The following DPYSL4 variants were observed in gnomAD, a reference collection of about 807,000 sequenced individuals.
The protein encoded by DPYSL4 is dihydropyrimidinase-related protein 4.
Under a neutral mutation model 63.4 loss-of-function variants are expected in DPYSL4, and 43 were observed. That is an observed-to-expected ratio of 0.68 (90% confidence interval 0.53 to 0.88). DPYSL4 has a LOEUF of 0.88. Among genes scored for constraint, DPYSL4 ranks in the 40% least tolerant of loss-of-function variants. The pLI is 0.00. For missense variants in DPYSL4, 733 were observed against 819.5 expected (o/e 0.89, Z 1.29); for synonymous variants, 353 against 331.7 (o/e 1.06, Z -0.70).
Position 132,202,096 on chromosome 10 carries a change from TCTGCCAAGACCCAC to T in DPYSL4, c.1262_1275del (p.Ser421Ter). The T allele has an allele frequency of 6.2e-7, 1 of 1,612,896 alleles. No individual in the cohort carries two copies. Among genetic ancestry groups the T allele is most frequent in the Non-Finnish European group, 8.5e-7 (1 of 1,179,812 alleles). On this transcript the variant is annotated frameshift_variant, in exon 11 of 14. Coordinates refer to ENST00000338492, the MANE Select transcript of DPYSL4 (RefSeq NM_006426.3). LOFTEE classifies it high-confidence loss of function. The stretch of plus-strand genomic sequence containing the variant: ...GAACCCCAAGGCCACCAAGATCATC[TCTGCCAAGACCCAC>T]AATCTGGTAAGAGAAGGCGGCTGTA...
chr10:132,195,954 G>A (rs1364956007), intron 4 of DPYSL4, among the ~76,000 whole-genome samples: 1 of 152,230 alleles, frequency 6.6e-6, no homozygotes, highest in African/African-American at 2.4e-5. Context: ...TCAGTCCTGT[G>A]CCCACGGGGT....
chr10:132,200,462 T>G lies in DPYSL4; in HGVS notation c.918T>G (p.Pro306=). 2 of 1,613,006 alleles carry G rather than the reference T, an allele frequency of 1.2e-6. No homozygotes were observed. The highest frequency in any genetic ancestry group is 1.3e-5 in the African/African-American group (1 of 75,008). The change falls in exon 9 of 14, where the codon CCT becomes CCG. Residue 306 remains proline (P), a synonymous_variant. Transcript: ENST00000338492. ...AKAAAFVTSP[P]VNPDPTTADH... The stretch of plus-strand genomic sequence containing the variant: ...CCGCAGCCTTCGTCACATCACCCCC[T>G]GTCAACCCAGACCCCACCACGGCGG...
In DPYSL4 at chr10:132,203,490, T is replaced by C. The variant is rs2062048892; in HGVS notation, c.1462-272T>C. 4 of 501,412 alleles carry C rather than the reference T, an allele frequency of 8.0e-6. No homozygotes were observed. In the South Asian group the frequency reaches 1.3e-4, roughly 17 times the overall value. 31.1% of individuals were successfully genotyped at this position (501,412 alleles called of 1,614,324 possible). A position where few individuals can be genotyped will look rare whatever the true frequency, so the allele number is the denominator to read the frequency against. On this transcript the variant is annotated intron_variant, in intron 12 of 13. Coordinates refer to ENST00000338492, the MANE Select transcript of DPYSL4 (RefSeq NM_006426.3). ...GCATGTGCACCTGTGTTGGTAAGAC[T>C]GAGGGGAGGGACGTTTGCACACACA...
At chr10:132,198,630 C>T (rs927666520) in intron 7 of DPYSL4, 147 bp downstream of exon 7, 4 of 1,058,966 alleles carry the variant, frequency 3.8e-6, no homozygotes, top group Non-Finnish European at 4.0e-6. Context: ...CCTCCCCGTG[C>T]CAGGCACTTG....
intron 12 of DPYSL4, chr10:132,203,558 G>A: frequency 1.7e-6 from 1 of 585,022 alleles, no homozygotes; most frequent in South Asian, 2.1e-5. Flanking sequence ...GTATGGGGAG[G>A]ACTGCAAGGA....
chr10:132,200,250 G>C, intron 8 of DPYSL4, 106 bp from the exon 9 acceptor site: 1 of 1,423,544 alleles, frequency 7.0e-7, no homozygotes, highest in Non-Finnish European at 9.6e-7. Flanking sequence ...AGCTGTCCCA[G>C]GCAAGGAAAG....
At chr10:132,188,893 G>T (rs907349010) in intron 1 of DPYSL4, among the ~76,000 whole-genome samples, 1 of 152,232 alleles carries the variant, frequency 6.6e-6, no homozygotes, top group African/African-American at 2.4e-5. Context: ...GTAGAGGGTT[G>T]GGTCTGGCCT....
At chr10:132,195,963 G>C (rs1053066396) in intron 4 of DPYSL4, among the ~76,000 whole-genome samples, 19 of 152,360 alleles carry the variant, frequency 1.2e-4, no homozygotes, top group African/African-American at 1.7e-4. Context: ...TGCCCACGGG[G>C]TAGTGTTGCA....
At position 132,200,531 on chromosome 10, in the gene DPYSL4, T is replaced by A; in HGVS notation, c.968+19T>A. 1 of 1,611,804 alleles carries A rather than the reference T, an allele frequency of 6.2e-7. No individual in the cohort carries two copies. ...TGTCCAGGTAAGCAGCCTCTCCAGG[T>A]GGCCCCAGGTTGGCCGCCCGCTGCA... On this transcript the variant is annotated intron_variant, in intron 9 of 13. Coordinates refer to ENST00000338492, the MANE Select transcript of DPYSL4 (RefSeq NM_006426.3).
intron 2 of DPYSL4, chr10:132,192,273 T>C (rs2061888467): frequency 2.0e-6 from 2 of 980,034 alleles, no homozygotes; most frequent in South Asian, 9.5e-5. Flanking sequence ...CGTTTCTTTG[T>C]TCATCGCAGC....
intron 13 of DPYSL4, among the ~76,000 whole-genome samples, chr10:132,204,563 C>T (rs2062068484): frequency 6.6e-6 from 1 of 152,176 alleles, no homozygotes; most frequent in African/African-American, 2.4e-5. Context: ...CGAGGCAGGA[C>T]TGGCCCGGGT....
At chr10:132,198,387 G>C (rs770972786) in intron 6 of DPYSL4, 28 bp from the exon 7 acceptor site, 87 of 1,593,512 alleles carry the variant, frequency 5.5e-5, no homozygotes, top group Non-Finnish European at 7.2e-5. Context: ...TCAGGGCTTG[G>C]AGCGAGGCAT....
intron 1 of DPYSL4, among the ~76,000 whole-genome samples, chr10:132,190,459 T>C (rs770128944): frequency 6.6e-6 from 1 of 152,210 alleles, no homozygotes; most frequent in African/African-American, 2.4e-5. Flanking sequence ...TCAGAAGATA[T>C]AAATATGACC....
chr10:132,200,428 G>A lies in DPYSL4; in HGVS notation c.884G>A (p.Trp295Ter). ...TDGSHYWSKN[W>*]AKAAAFVTSP... ...GGTTCACACTACTGGAGCAAGAACTGGGCCAAGGCCGCAGCCTTCGTCACA... is the reference window on the plus strand; with the variant it reads ...GGTTCACACTACTGGAGCAAGAACTAGGCCAAGGCCGCAGCCTTCGTCACA... The change falls in exon 9 of 14, where the codon TGG (tryptophan) becomes TAG (stop). Residue 295 changes from tryptophan to a stop codon, truncating the protein, a stop_gained. Transcript: ENST00000338492. LOFTEE classifies it high-confidence loss of function. The A allele has an allele frequency of 6.2e-7, 1 of 1,613,588 alleles. No individual in the cohort carries two copies. The highest frequency in any genetic ancestry group is 1.3e-5 in the African/African-American group (1 of 75,034).
chr10:132,201,888 G>T, intron 10 of DPYSL4, 58 bp from the exon 11 acceptor site: 1 of 1,554,144 alleles, frequency 6.4e-7, no homozygotes, highest in Non-Finnish European at 8.7e-7. Context: ...GTCTGTCCTC[G>T]CGCAAGCCTC....
At chr10:132,189,196 A>G (rs576645893) in intron 1 of DPYSL4, among the ~76,000 whole-genome samples, 25 of 152,376 alleles carry the variant, frequency 1.6e-4, no homozygotes, top group Admixed American at 1.6e-3. Context: ...TTAAATGCAG[A>G]CGGTCAGTCC....
In DPYSL4 at chr10:132,188,257, TAAG is replaced by T. The variant is rs571113607; in HGVS notation, c.39+1160_39+1162del. ...TTCACCTCCATCCGGATGAGTGCAG[TAAG>T]AAGAGCACAGCCCCACACCCCAGCT... On this transcript the variant is annotated intron_variant, in intron 1 of 13. Transcript: ENST00000338492. Among the ~76,000 whole-genome samples, 341 of 152,192 alleles carry T rather than the reference TAAG, an allele frequency of 2.2e-3. 2 individuals carry two copies. Among genetic ancestry groups the T allele is most frequent in the African/African-American group, 7.8e-3 (324 of 41,532 alleles).
At chr10:132,194,611 T>C (rs201103382) in intron 3 of DPYSL4, among the ~76,000 whole-genome samples, 5 of 137,604 alleles carry the variant, frequency 3.6e-5, no homozygotes, top group Non-Finnish European at 8.3e-5. Context: ...CCCCTCTCCC[T>C]TCTGTGCTCA....
chr10:132,198,302 G>A (rs750191068), intron 6 of DPYSL4, 113 bp from the exon 7 acceptor site: 519 of 958,228 alleles, frequency 5.4e-4, no homozygotes, highest in Non-Finnish European at 7.5e-4. Flanking sequence ...AATTCTGGGA[G>A]GCCTGGGGGT....
Sources: allele counts gnomAD v4.1 joint callset (sites outside exome capture counted in the v4.1 genomes callset), GRCh38; gene constraint gnomAD v4.1.1; transcripts MANE v1.5; gene names NCBI Gene and HGNC (gene_info 2026-07-23, HGNC 2026-07-21).